Variants in ITIH4 observed in about 807,000 individuals in gnomAD.
ITIH4 encodes inter-alpha-trypsin inhibitor heavy chain H4.
In ITIH4, 79 loss-of-function variants were observed where a neutral mutation model predicts 111.8. The observed-to-expected ratio is 0.71, with a 90% CI of 0.59 to 0.85. The LOEUF (loss-of-function observed/expected upper bound fraction) is 0.85. Among genes scored for constraint, ITIH4 ranks in the 40% least tolerant of loss-of-function variants. The pLI is 0.00. For missense variants in ITIH4, 1,065 were observed against 1,195.8 expected, an observed-to-expected ratio of 0.89 and a Z score of 1.61; for synonymous variants, 472 against 468.3, an observed-to-expected ratio of 1.01 and a Z score of -0.10.
intron 20 of ITIH4, among the ~76,000 whole-genome samples, chr3:52,817,353 C>A (rs1488880367): frequency 2.0e-5 from 3 of 152,250 alleles, no homozygotes; most frequent in Non-Finnish European, 2.9e-5. Flanking sequence ...CTTCAGAACG[C>A]CCCATGGAGC....
chr3:52,821,701 C>G (rs893094576), intron 11 of ITIH4, among the ~76,000 whole-genome samples: 4 of 152,186 alleles, frequency 2.6e-5, no homozygotes, highest in Non-Finnish European at 5.9e-5. Context: ...CACCCAAGCT[C>G]TGTGTGAACC....
At position 52,820,784 on chromosome 3, in the gene ITIH4, C is replaced by T; in HGVS notation, c.1681G>A (p.Val561Ile). The change falls in exon 13 of 24, where the codon GTC becomes ATC. Residue 561 changes from valine to isoleucine, a missense_variant and splice_region_variant. Val to Ile is a conservative substitution (Grantham distance 29, BLOSUM62 3). Coordinates refer to ENST00000266041, the MANE Select transcript of ITIH4 (RefSeq NM_002218.5). The stretch of plus-strand genomic sequence containing the variant: ...TGCTGATCAGCATCGGATGCGGAGA[C>T]ACTGTAGGTGGAGCACATCAGAGCT... ...LTIQQLLEQT[V>I]SASDADQQAL... The T allele has an allele frequency of 6.2e-7, 1 of 1,609,700 alleles. No homozygotes were observed. The highest frequency in any genetic ancestry group is 1.1e-5 in the South Asian group (1 of 90,484).
chr3:52,823,757 T>A lies in ITIH4; in HGVS notation c.1354-16A>T. The A allele has an allele frequency of 6.2e-7, 1 of 1,613,892 alleles. No homozygotes were observed. Among genetic ancestry groups the A allele is most frequent in the Non-Finnish European group, 8.5e-7 (1 of 1,179,916 alleles). On this transcript the variant is annotated splice_polypyrimidine_tract_variant and intron_variant, in intron 10 of 23. Coordinates refer to ENST00000266041, the MANE Select transcript of ITIH4 (RefSeq NM_002218.5). ...GGTAGAAGTCCTGCAGGGTTGGGGGTGTCATAAAGGCTGGGCTTTATGACT... is the reference window on the plus strand; with the variant it reads ...GGTAGAAGTCCTGCAGGGTTGGGGGAGTCATAAAGGCTGGGCTTTATGACT...
Position 52,813,132 on chromosome 3 carries a change from G to A in ITIH4, c.*289C>T. On this transcript the variant is annotated 3_prime_UTR_variant, in exon 24 of 24. Transcript: ENST00000266041. ...AGCTCAGTTTCCTTGTTTGTAAAAT[G>A]AAGGGGCTGGACTGAAAGCTCAGCA... 2.7e-6 allele frequency: 1 copy of A among 365,740 alleles called. No homozygotes were observed. Among genetic ancestry groups the A allele is most frequent in the Non-Finnish European group, 4.9e-6 (1 of 203,110 alleles). 22.7% of individuals were successfully genotyped at this position (365,740 alleles called of 1,614,324 possible).
chr3:52,824,243 G>C lies in ITIH4; in HGVS notation c.1118C>G (p.Pro373Arg). 1 of 1,613,476 alleles carries C rather than the reference G, an allele frequency of 6.2e-7. No homozygotes were observed. Among genetic ancestry groups the C allele is most frequent in the Non-Finnish European group, 8.5e-7 (1 of 1,179,998 alleles). Residue 373 changes from proline to arginine, a missense_variant, in exon 9 of 24, where the codon CCC becomes CGC. By Grantham distance (103) the Pro-to-Arg change is moderately radical. Transcript: ENST00000266041. The surrounding 1 kb of genome is among the most constrained non-coding windows in gnomAD (Gnocchi z 4.3). ...GATGATGAGTGAGACACTCCCTTCG[G>C]GCAGCCGCTCCTCCTGGTTGCTGCT... ...LDSSNQEERL[P>R]EGSVSLIILL...
Position 52,818,490 on chromosome 3 carries a change from C to G in ITIH4, c.2124G>C (p.Val708=). Reference sequence around the variant, plus strand: ...CGATTTTCATATTCATGACACGAGACACAGCTGGATCAGGATTTGAGGTGG... The same window carrying G: ...CGATTTTCATATTCATGACACGAGAGACAGCTGGATCAGGATTTGAGGTGG... ...PPATSNPDPA[V]SRVMNMKIEE... is the part of the protein sequence containing the mutation. Residue 708 remains valine, a synonymous_variant, in exon 18 of 24, where the codon GTG becomes GTC. Coordinates refer to ENST00000266041, the MANE Select transcript of ITIH4 (RefSeq NM_002218.5). 1 of 1,605,836 alleles carries G rather than the reference C, an allele frequency of 6.2e-7. No homozygotes were observed. Among genetic ancestry groups the G allele is most frequent in the Non-Finnish European group, 8.5e-7 (1 of 1,175,964 alleles).
At chr3:52,821,755 C>T (rs953478701) in intron 11 of ITIH4, among the ~76,000 whole-genome samples, 2 of 152,174 alleles carry the variant, frequency 1.3e-5, no homozygotes, top group African/African-American at 4.8e-5. Context: ...CTCAGACTGA[C>T]CTAGCTCGCT....
At chr3:52,817,130 C>T in intron 20 of ITIH4, 72 bp from the exon 21 acceptor site, 1 of 1,330,240 alleles carries the variant, frequency 7.5e-7, no homozygotes, top group Non-Finnish European at 1.0e-6. Flanking sequence ...ATGGGGAGTC[C>T]CCCCTGATCA....
At position 52,814,481 on chromosome 3, in the gene ITIH4, T is replaced by C. The variant is rs1410154385; in HGVS notation, c.2472-118A>G. 23 of 852,842 alleles carry C rather than the reference T, an allele frequency of 2.7e-5. No homozygotes were observed. The East Asian group carries it at 5.7e-4, about 21-fold the overall frequency. The allele number at this position is 852,842 out of a possible 1,614,324, so 52.8% of individuals were successfully genotyped here. On this transcript the variant is annotated intron_variant, in intron 21 of 23. Coordinates refer to ENST00000266041, the MANE Select transcript of ITIH4 (RefSeq NM_002218.5). ...TTGTCCAGGAAGTCACGGAGTGGCC[T>C]TGGGTGGGAAGGCCCTTAAATCTTC...
At chr3:52,817,530 G>A (rs553820042) in intron 20 of ITIH4, among the ~76,000 whole-genome samples, 6 of 152,266 alleles carry the variant, frequency 3.9e-5, no homozygotes, top group South Asian at 4.1e-4. Flanking sequence ...TGGGCGGTGC[G>A]GGGGTGAGCA....
chr3:52,816,714 G>A (rs2154111169), intron 21 of ITIH4, among the ~76,000 whole-genome samples, 170 bp downstream of exon 21: 3 of 152,286 alleles, frequency 2.0e-5, no homozygotes, highest in Middle Eastern at 6.8e-3. Flanking sequence ...ACTCCTCAGT[G>A]CCCTCCGGAG....
rs1700428772 is a variant in ITIH4, at chr3:52,823,539, G to T, written c.1539+17C>A. ...GAGGCTGCCATTCCCCTCCAGGGTG[G>T]CTTTGGCCACACTCACCAGCTTCCC... is the stretch of plus-strand genomic sequence containing the variant. On this transcript the variant is annotated intron_variant, in intron 11 of 23. Coordinates refer to ENST00000266041, the MANE Select transcript of ITIH4 (RefSeq NM_002218.5). 6.3e-7 allele frequency: 1 copy of T among 1,582,330 alleles called. No individual in the cohort carries two copies. Among genetic ancestry groups the T allele is most frequent in the Non-Finnish European group, 8.6e-7 (1 of 1,162,526 alleles).
intron 22 of ITIH4, 46 bp from the exon 23 acceptor site, chr3:52,814,117 C>A (rs1700235046): frequency 1.2e-6 from 2 of 1,608,134 alleles, no homozygotes; most frequent in Non-Finnish European, 1.7e-6. Flanking sequence ...ACAGAGGAAG[C>A]CTGGGAGACA....
At chr3:52,816,575 T>C (rs1257368462) in intron 21 of ITIH4, among the ~76,000 whole-genome samples, 1 of 152,168 alleles carries the variant, frequency 6.6e-6, no homozygotes, top group Non-Finnish European at 1.5e-5. Context: ...GTACTGGTTA[T>C]TGGTGAAGAA....
chr3:52,820,674 A>T lies in ITIH4; in HGVS notation c.1791T>A (p.Asp597Glu), dbSNP rs757508940. ...CAGCAACTTGAGACTGCTCTTGGTCATCGGGTTTGGTGACTACCATAGATG... is the reference window on the plus strand; with the variant it reads ...CAGCAACTTGAGACTGCTCTTGGTCTTCGGGTTTGGTGACTACCATAGATG... ...PLTSMVVTKP[D>E]DQEQSQVAEK... is the part of the protein sequence containing the mutation. The change falls in exon 13 of 24, where the codon GAT (aspartate) becomes GAA (glutamate). Residue 597 changes from aspartate to glutamate, a missense_variant. By Grantham distance (45) the Asp-to-Glu change is conservative. Transcript: ENST00000266041. The T allele has an allele frequency of 6.2e-7, 1 of 1,613,858 alleles. No homozygotes were observed. Among genetic ancestry groups the T allele is most frequent in the Non-Finnish European group, 8.5e-7 (1 of 1,179,832 alleles).
At chr3:52,816,034 G>C (rs1461391874) in intron 21 of ITIH4, among the ~76,000 whole-genome samples, 1 of 152,200 alleles carries the variant, frequency 6.6e-6, no homozygotes, top group East Asian at 1.9e-4. Flanking sequence ...CCTTGGATAA[G>C]CTGGGTGTGC....
intron 15 of ITIH4, 62 bp from the exon 16 acceptor site, chr3:52,819,854 G>C (rs1700346609): frequency 6.2e-7 from 1 of 1,606,592 alleles, no homozygotes; most frequent in Non-Finnish European, 8.5e-7. Context: ...TCACCAGCCA[G>C]AGGAGCTGGG....
chr3:52,818,220 A>C (rs1247248856), intron 19 of ITIH4, 37 bp downstream of exon 19: 1 of 1,590,308 alleles, frequency 6.3e-7, no homozygotes, highest in Admixed American at 1.7e-5. Context: ...GCTGGGGGCA[A>C]GGATGTGGAA....
chr3:52,823,108 G>A (rs1700413756), intron 11 of ITIH4, among the ~76,000 whole-genome samples: 1 of 152,186 alleles, frequency 6.6e-6, no homozygotes, highest in South Asian at 2.1e-4. Flanking sequence ...ATGACAGGGG[G>A]TCCCTGGAAG....
Sources: allele counts gnomAD v4.1 joint callset (sites outside exome capture counted in the v4.1 genomes callset), GRCh38; gene constraint gnomAD v4.1.1; non-coding constraint Gnocchi (gnomAD v3.1); transcripts MANE v1.5; gene names NCBI Gene and HGNC (gene_info 2026-07-23, HGNC 2026-07-21).